The following SHROOM3 variants were observed in gnomAD, a reference collection of about 807,000 sequenced individuals.
SHROOM3 encodes protein Shroom3.
In SHROOM3, 47 loss-of-function variants were observed where a neutral mutation model predicts 138.6. The ratio of observed to expected loss-of-function variants is 0.34; its 90% CI spans 0.27 to 0.43. The LOEUF is 0.43. Among genes scored for constraint, SHROOM3 ranks in the 20% least tolerant of loss-of-function variants. The probability of loss-of-function intolerance (pLI) is 1.00; values close to 1 mark genes in which losing one functional copy is unlikely to be tolerated. For missense variants in SHROOM3, 2,491 were observed against 2,596.5 expected, an observed-to-expected ratio of 0.96 and a Z score of 0.88; for synonymous variants, 1,062 against 1,063.3, an observed-to-expected ratio of 1.00 and a Z score of 0.02.
At chr4:76,625,719 C>A (rs531923003) in intron 2 of SHROOM3, among the ~76,000 whole-genome samples, 20 of 152,316 alleles carry the variant, frequency 1.3e-4, no homozygotes, top group Middle Eastern at 6.8e-3. Flanking sequence ...TGTGTTACTT[C>A]TCTAACTAGA....
At chr4:76,729,238 G>T (rs764981613) in intron 3 of SHROOM3, among the ~76,000 whole-genome samples, 1 of 152,028 alleles carries the variant, frequency 6.6e-6, no homozygotes, top group African/African-American at 2.4e-5. Flanking sequence ...TTTAAATCTG[G>T]ATTAGAACCC....
intron 4 of SHROOM3, among the ~76,000 whole-genome samples, chr4:76,735,839 T>TAAAA (rs1170202101): frequency 3.2e-4 from 24 of 75,810 alleles, no homozygotes; most frequent in Non-Finnish European, 4.9e-4. Context: ...GACTCTATCT[T>TAAAA]AAAAAAAAAA....
At chr4:76,692,717 A>T (rs1252770356) in intron 2 of SHROOM3, among the ~76,000 whole-genome samples, 3 of 152,238 alleles carry the variant, frequency 2.0e-5, no homozygotes, top group Non-Finnish European at 4.4e-5. Context: ...AACCTGGATG[A>T]GTCTCAAGAG....
chr4:76,717,935 C>G (rs923078154), intron 3 of SHROOM3, among the ~76,000 whole-genome samples: 2 of 152,056 alleles, frequency 1.3e-5, no homozygotes, highest in Non-Finnish European at 2.9e-5. Context: ...CAACTTTTAT[C>G]CATATATAAT....
intron 1 of SHROOM3, among the ~76,000 whole-genome samples, chr4:76,447,023 C>T (rs546347569): frequency 9.2e-5 from 14 of 152,188 alleles, no homozygotes; most frequent in Non-Finnish European, 1.0e-4. Context: ...TCTCTTGGCA[C>T]GATCCTGGGA....
intron 2 of SHROOM3, among the ~76,000 whole-genome samples, chr4:76,568,598 A>G (rs748801518): frequency 1.3e-5 from 2 of 152,118 alleles, no homozygotes; most frequent in South Asian, 4.1e-4. Context: ...GCCCCTGTGT[A>G]TCTTCTTAGT....
intron 1 of SHROOM3, among the ~76,000 whole-genome samples, chr4:76,505,899 C>T (rs1231632005): frequency 2.0e-5 from 3 of 151,982 alleles, no homozygotes; most frequent in Non-Finnish European, 4.4e-5. Context: ...GATCCTTCTG[C>T]CTCCTCCTCC....
In SHROOM3 at chr4:76,435,260, TG is replaced by T. The variant is rs1464527804; in HGVS notation, c.-791del. The T allele has an allele frequency of 6.8e-6, 1 of 147,980 alleles. No individual in the cohort carries two copies. Among genetic ancestry groups the T allele is most frequent in the Non-Finnish European group, 1.5e-5 (1 of 65,924 alleles). The allele number at this position is 147,980 out of a possible 1,614,324, so 9.2% of individuals were successfully genotyped here. A position where few individuals can be genotyped will look rare whatever the true frequency, so the allele number is the denominator to read the frequency against. ...TCTCTCAAGAGGAGGCAAGTGGCTG[TG>T]GCGGCCGCAGCAGTGGCTGATCATC... On this transcript the variant is annotated 5_prime_UTR_variant, in exon 1 of 11. Coordinates refer to ENST00000296043, the MANE Select transcript of SHROOM3 (RefSeq NM_020859.4).
chr4:76,608,575 CATAGCAT>C (rs1734676823), intron 2 of SHROOM3, among the ~76,000 whole-genome samples: 1 of 148,704 alleles, frequency 6.7e-6, no homozygotes, highest in Admixed American at 6.7e-5. Context: ...CATAGCATAG[CATAGCAT>C]AGCATAGCAT....
intron 2 of SHROOM3, among the ~76,000 whole-genome samples, chr4:76,681,341 T>C (rs1468042513): frequency 6.6e-6 from 1 of 152,094 alleles, no homozygotes; most frequent in Non-Finnish European, 1.5e-5. Context: ...AAAATTATCA[T>C]AGCCACTATT....
At chr4:76,695,466 A>G (rs1436189517) in intron 2 of SHROOM3, among the ~76,000 whole-genome samples, 1 of 152,224 alleles carries the variant, frequency 6.6e-6, no homozygotes, top group Non-Finnish European at 1.5e-5. Flanking sequence ...TAAGAAGAAA[A>G]GTCTACCATT....
intron 2 of SHROOM3, among the ~76,000 whole-genome samples, chr4:76,587,493 G>A (rs1310351957): frequency 6.6e-6 from 1 of 152,088 alleles, no homozygotes; most frequent in African/African-American, 2.4e-5. Context: ...CAATGATTCT[G>A]TTCAAGTGAT....
At position 76,685,674 on chromosome 4, in the gene SHROOM3, A is replaced by T. The variant is rs189142516; in HGVS notation, c.324-24482A>T. 1.6e-3 allele frequency among the ~76,000 whole-genome samples: 240 copies of T among 152,346 alleles called. 1 individual carries two copies. Among genetic ancestry groups the T allele is most frequent in the Non-Finnish European group, 1.6e-3 (108 of 68,032 alleles). Reference sequence around the variant, plus strand: ...TAATGGTAGACTATTTCTAAGTAAAATTTAGTAATATTTTAAAGTATAGGC... The same window carrying T: ...TAATGGTAGACTATTTCTAAGTAAATTTTAGTAATATTTTAAAGTATAGGC... On this transcript the variant is annotated intron_variant, in intron 2 of 10. Coordinates refer to ENST00000296043, the MANE Select transcript of SHROOM3 (RefSeq NM_020859.4).
chr4:76,510,408 C>A (rs1253295863), intron 1 of SHROOM3, among the ~76,000 whole-genome samples: 1 of 152,180 alleles, frequency 6.6e-6, no homozygotes, highest in Non-Finnish European at 1.5e-5. Context: ...TCTCTCTCTG[C>A]CAGATGTAGC....
Position 76,741,261 on chromosome 4 carries a change from G to A in SHROOM3, c.3088G>A (p.Gly1030Arg). The change falls in exon 5 of 11, where the codon GGG becomes AGG. Residue 1030 changes from glycine (G) to arginine (R), a missense_variant. Gly to Arg is a moderately radical substitution (Grantham distance 125). Transcript: ENST00000296043. This position sits in a 1 kb window ranked among gnomAD's most constrained non-coding sequence, Gnocchi z 6.2. The stretch of plus-strand genomic sequence containing the variant: ...GGAGCCCGAGAAGATGAACGAGGTG[G>A]GGATCGTGGAGGAGGCCGAACCGGC... ...YSEPEKMNEV[G>R]IVEEAEPAPL... 1.2e-6 allele frequency: 2 copies of A among 1,611,992 alleles called. No homozygotes were observed. The highest frequency in any genetic ancestry group is 1.7e-6 in the Non-Finnish European group (2 of 1,179,664).
intron 2 of SHROOM3, among the ~76,000 whole-genome samples, chr4:76,683,586 G>A (rs1295225025): frequency 6.6e-6 from 1 of 151,204 alleles, no homozygotes; most frequent in East Asian, 1.9e-4. Context: ...GTTAGCCTTG[G>A]AGGACCCAGG....
intron 1 of SHROOM3, among the ~76,000 whole-genome samples, chr4:76,510,053 C>T (rs189827224): frequency 8.5e-5 from 13 of 152,148 alleles, no homozygotes; most frequent in Admixed American, 7.2e-4. Context: ...TGAAATGGTG[C>T]GGGCACTCTG....
intron 1 of SHROOM3, among the ~76,000 whole-genome samples, chr4:76,471,471 T>G (rs1731371198): frequency 6.6e-6 from 1 of 152,160 alleles, no homozygotes; most frequent in Non-Finnish European, 1.5e-5. Context: ...CTCGATCTCC[T>G]GACCTTGTGA....
chr4:76,577,386 A>G (rs1049955815), intron 2 of SHROOM3, among the ~76,000 whole-genome samples: 5 of 152,284 alleles, frequency 3.3e-5, no homozygotes, highest in East Asian at 1.9e-4. Flanking sequence ...TTGGTTAACT[A>G]GGAATTATTC....
Sources: gnomAD v4.1 joint callset for allele counts (sites outside exome capture counted in the v4.1 genomes callset) on GRCh38, gnomAD v4.1.1 for gene constraint, Gnocchi (gnomAD v3.1) non-coding constraint, MANE v1.5 for transcripts, NCBI Gene and HGNC (gene_info 2026-07-23, HGNC 2026-07-21) for gene names.